The following METAP1D variants were observed in gnomAD, a reference collection of about 807,000 sequenced individuals.
METAP1D encodes the protein methionyl aminopeptidase type 1D, mitochondrial, also known as methionine aminopeptidase 1D, mitochondrial.
A neutral mutation model predicts 40.5 loss-of-function variants in METAP1D; 31 were observed. The observed-to-expected ratio is 0.77, with a 90% CI of 0.58 to 1.03. The LOEUF (loss-of-function observed/expected upper bound fraction) is 1.03, where lower values mean the gene tolerates loss of function less well. Among genes scored for constraint, METAP1D ranks in the 50% least tolerant of loss-of-function variants. The pLI is 0.00. For synonymous variants in METAP1D, 151 were observed against 146.4 expected (o/e 1.03, Z -0.22); for missense variants, 411 against 420.7 (o/e 0.98, Z 0.20).
chr2:172,008,226 G>C (rs1034440598), intron 1 of METAP1D, among the ~76,000 whole-genome samples: 4 of 152,148 alleles, frequency 2.6e-5, no homozygotes, highest in African/African-American at 9.7e-5. Context: ...TAGTGGTGTT[G>C]CTGGAGACAT....
chr2:172,079,146 C>T, intron 7 of METAP1D, 69 bp from the exon 8 acceptor site: 2 of 1,529,190 alleles, frequency 1.3e-6, no homozygotes. Context: ...GGCCTGACCC[C>T]TGTAATCTGT....
chr2:172,017,273 C>CAT (rs1553490534), intron 1 of METAP1D, among the ~76,000 whole-genome samples: 2,984 of 146,400 alleles, frequency 0.02, 78 homozygotes, highest in South Asian at 0.06. Flanking sequence ...CACACACACA[C>CAT]ATTTTATATA....
chr2:172,041,328 G>A (rs1559006134), intron 1 of METAP1D, among the ~76,000 whole-genome samples: 1 of 136,474 alleles, frequency 7.3e-6, no homozygotes, highest in Admixed American at 7.3e-5. Flanking sequence ...GCGTGGTGGT[G>A]TGCACCTATA....
In METAP1D at chr2:172,051,248, G is replaced by A. The variant is rs73976544; in HGVS notation, c.41-10250G>A. Among the ~76,000 whole-genome samples the A allele has an allele frequency of 0.034, 5,111 of 151,886 alleles. 611 individuals are homozygous for A. The East Asian group carries it at 0.45, about 13-fold the overall frequency. ...GGCACCCTTCCCCCAGCTATAATTC[G>A]GCTAGCCTAAAGGAATTTTTTTTCC... On this transcript the variant is annotated intron_variant, in intron 1 of 9. Coordinates refer to ENST00000315796, the MANE Select transcript of METAP1D (RefSeq NM_199227.3).
At chr2:172,021,746 G>C (rs1374926100) in intron 1 of METAP1D, 1 of 152,180 alleles carries the variant, frequency 6.6e-6, no homozygotes, top group Admixed American at 6.6e-5. Flanking sequence ...CCTGCCCTCC[G>C]GATACACCCA....
chr2:172,017,632 A>G (rs1574094306), intron 1 of METAP1D, among the ~76,000 whole-genome samples: 1 of 151,728 alleles, frequency 6.6e-6, no homozygotes, highest in Admixed American at 6.6e-5. Context: ...TGATTCATGG[A>G]TAGTCTTCAA....
At chr2:172,034,328 C>G (rs1313091688) in intron 1 of METAP1D, among the ~76,000 whole-genome samples, 1 of 151,968 alleles carries the variant, frequency 6.6e-6, no homozygotes, top group Non-Finnish European at 1.5e-5. Flanking sequence ...TTAAAATAGG[C>G]TTAGGTAAAT....
chr2:172,036,492 A>G (rs1390282345), intron 1 of METAP1D, among the ~76,000 whole-genome samples: 1 of 150,122 alleles, frequency 6.7e-6, no homozygotes, highest in Non-Finnish European at 1.5e-5. Context: ...CAACCTCCCA[A>G]GTAGCAGGGA....
At chr2:172,000,597 G>C (rs1234482287) in intron 1 of METAP1D, among the ~76,000 whole-genome samples, 1 of 152,180 alleles carries the variant, frequency 6.6e-6, no homozygotes, top group Non-Finnish European at 1.5e-5. Context: ...TGAACTAGGT[G>C]CTGAATCTTT....
At chr2:172,042,123 T>A (rs1173621443) in intron 1 of METAP1D, among the ~76,000 whole-genome samples, 2 of 109,840 alleles carry the variant, frequency 1.8e-5, no homozygotes, top group Admixed American at 8.9e-5. Context: ...TTTTTCATTT[T>A]AAAAAATATA....
chr2:172,065,847 A>G, intron 4 of METAP1D, 95 bp downstream of exon 4: 1 of 1,306,476 alleles, frequency 7.7e-7, no homozygotes, highest in South Asian at 1.5e-5. Context: ...ATTCAATTGA[A>G]ACCCACCGGT....
At chr2:172,053,017 T>C (rs1689918465) in intron 1 of METAP1D, among the ~76,000 whole-genome samples, 1 of 152,230 alleles carries the variant, frequency 6.6e-6, no homozygotes, top group Non-Finnish European at 1.5e-5. Flanking sequence ...GAACCTTCAA[T>C]CTTTCTCATT....
At chr2:172,067,474 A>G (rs1690311702) in intron 5 of METAP1D, among the ~76,000 whole-genome samples, 1 of 152,212 alleles carries the variant, frequency 6.6e-6, no homozygotes, top group Non-Finnish European at 1.5e-5. Flanking sequence ...ATGCTTGAAC[A>G]CTTGCACCAC....
In METAP1D at chr2:172,080,390, T is replaced by A; in HGVS notation, c.992T>A (p.Leu331Gln). ...AGGGGCGCGCAGATCCTGACCAAAC[T>A]ACCCCATGAGGCCTGAGGAGCCGCC... The part of the protein sequence containing the change: ...TSRGAQILTK[L>Q]PHEA The change falls in exon 10 of 10, where the codon CTA becomes CAA. Residue 331 changes from leucine to glutamine, a missense_variant. Leu to Gln is a moderately radical substitution (Grantham distance 113, BLOSUM62 -2). Coordinates refer to ENST00000315796, the MANE Select transcript of METAP1D (RefSeq NM_199227.3). 3 of 1,614,024 alleles carry A rather than the reference T, an allele frequency of 1.9e-6. No homozygotes were observed. The highest frequency in any genetic ancestry group is 2.5e-6 in the Non-Finnish European group (3 of 1,179,890).
intron 1 of METAP1D, among the ~76,000 whole-genome samples, chr2:172,024,949 A>G (rs1273756051): frequency 5.9e-5 from 9 of 152,156 alleles, no homozygotes; most frequent in Non-Finnish European, 1.2e-4. Context: ...AGTGATCTCA[A>G]TTCCTTCAGG....
At chr2:172,062,166 GA>G (rs2105476212) in intron 2 of METAP1D, among the ~76,000 whole-genome samples, 1 of 152,184 alleles carries the variant, frequency 6.6e-6, no homozygotes, top group South Asian at 2.1e-4. Context: ...CAATTCTGTG[GA>G]AAGGCAATCT....
chr2:172,076,759 T>C (rs1182807744), intron 6 of METAP1D, among the ~76,000 whole-genome samples: 1 of 152,262 alleles, frequency 6.6e-6, no homozygotes, highest in African/African-American at 2.4e-5. Flanking sequence ...ACTTAGAGTC[T>C]GTTAGAGACT....
intron 3 of METAP1D, 110 bp from the exon 4 acceptor site, chr2:172,065,494 A>G (rs555639888): frequency 1.1e-5 from 12 of 1,057,278 alleles, no homozygotes; most frequent in African/African-American, 9.5e-5. Context: ...TAACTTTATC[A>G]TAGTAAATTT....
At chr2:172,018,725 G>T (rs1688936552) in intron 1 of METAP1D, among the ~76,000 whole-genome samples, 1 of 152,022 alleles carries the variant, frequency 6.6e-6, no homozygotes, top group African/African-American at 2.4e-5. Flanking sequence ...TTGGATGCTA[G>T]GACACCCCCC....
Sources: allele counts gnomAD v4.1 joint callset (sites outside exome capture counted in the v4.1 genomes callset), GRCh38; gene constraint gnomAD v4.1.1; transcripts MANE v1.5; gene names NCBI Gene and HGNC (gene_info 2026-07-23, HGNC 2026-07-21).